Variants in C3orf33 observed in about 807,000 individuals in gnomAD.
C3orf33 encodes AP-1 activity suppressor.
A neutral mutation model predicts 28.7 loss-of-function variants in C3orf33; 23 were observed. The ratio of observed to expected loss-of-function variants is 0.80; its 90% CI spans 0.58 to 1.13. The LOEUF is 1.13. C3orf33 is among the 50% of genes most tolerant of loss of function. C3orf33 has a pLI of 0.00. For missense variants in C3orf33, 327 were observed against 353.4 expected (o/e 0.93, Z 0.60); for synonymous variants, 119 against 120.5 (o/e 0.99, Z 0.08).
chr3:155,775,913 T>C, intron 2 of C3orf33, 65 bp from the exon 3 acceptor site: 1 of 1,206,026 alleles, frequency 8.3e-7, no homozygotes, highest in Non-Finnish European at 1.2e-6. Context: ...ATTTAAAATG[T>C]CAAATTATCA....
intron 1 of C3orf33, among the ~76,000 whole-genome samples, chr3:155,803,835 TTGTGCCACTG>T (rs1751726945): frequency 6.6e-6 from 1 of 151,892 alleles, no homozygotes; most frequent in African/African-American, 2.4e-5. Context: ...TGAGCCGAGA[TTGTGCCACTG>T]CACTCCAGCC....
intron 3 of C3orf33, among the ~76,000 whole-genome samples, chr3:155,768,526 T>C (rs1422561635): frequency 6.6e-6 from 1 of 152,186 alleles, no homozygotes; most frequent in South Asian, 2.1e-4. Context: ...TTTTAACCAA[T>C]GTAATTTTAA....
rs368808893 is a variant in C3orf33 at position 155,786,430 on chromosome 3, T to C, written c.175-10582A>G. On this transcript the variant is annotated intron_variant, in intron 2 of 4. Coordinates refer to ENST00000340171, the MANE Select transcript of C3orf33 (RefSeq NM_001308229.2). Reference sequence around the variant, plus strand: ...TAAGTCAGAAATAAAAGTGGGGACATTACTACAAATTCTACAGAAATGAAA... The same window carrying C: ...TAAGTCAGAAATAAAAGTGGGGACACTACTACAAATTCTACAGAAATGAAA... Among the ~76,000 whole-genome samples, 4 of 152,232 alleles carry C rather than the reference T, an allele frequency of 2.6e-5. No individual in the cohort carries two copies. In the East Asian group the frequency reaches 7.7e-4, roughly 29 times the overall value.
chr3:155,799,450 A>T (rs1751576938), intron 2 of C3orf33, among the ~76,000 whole-genome samples: 1 of 152,150 alleles, frequency 6.6e-6, no homozygotes, highest in Admixed American at 6.5e-5. Flanking sequence ...GCACTTTGGG[A>T]GGCCAAGGCA....
At chr3:155,777,490 C>T (rs1750788882) in intron 2 of C3orf33, among the ~76,000 whole-genome samples, 2 of 151,774 alleles carry the variant, frequency 1.3e-5, no homozygotes, top group South Asian at 4.2e-4. Flanking sequence ...GCCCAGGCTG[C>T]AGCTCAGTGG....
At chr3:155,777,444 G>C (rs1477067447) in intron 2 of C3orf33, among the ~76,000 whole-genome samples, 1 of 151,856 alleles carries the variant, frequency 6.6e-6, no homozygotes, top group African/African-American at 2.4e-5. Flanking sequence ...TAACATTACA[G>C]ATCTTTTTTT....
intron 2 of C3orf33, among the ~76,000 whole-genome samples, chr3:155,793,261 T>C (rs1284872697): frequency 6.9e-6 from 1 of 144,164 alleles, no homozygotes; most frequent in Non-Finnish European, 1.5e-5. Flanking sequence ...CAAAATAGTA[T>C]AGCCAGTCAA....
intron 2 of C3orf33, among the ~76,000 whole-genome samples, chr3:155,793,829 T>TAA (rs1751391618): frequency 5.9e-5 from 5 of 84,672 alleles, no homozygotes; most frequent in South Asian, 3.7e-4. Context: ...AAAAAAAAAC[T>TAA]AAAAAAACTA....
At chr3:155,784,270 G>A (rs552707883) in intron 2 of C3orf33, among the ~76,000 whole-genome samples, 6 of 152,150 alleles carry the variant, frequency 3.9e-5, no homozygotes, top group Admixed American at 1.3e-4. Flanking sequence ...ACAAAAATGC[G>A]ATTCTGTGAT....
chr3:155,795,522 A>G (rs1751449838), intron 2 of C3orf33, among the ~76,000 whole-genome samples: 1 of 152,206 alleles, frequency 6.6e-6, no homozygotes, highest in Non-Finnish European at 1.5e-5. Context: ...TTCTCTGACT[A>G]CAATGGAATA....
chr3:155,802,952 T>C (rs1450011739), intron 1 of C3orf33, among the ~76,000 whole-genome samples: 1 of 152,096 alleles, frequency 6.6e-6, no homozygotes, highest in Non-Finnish European at 1.5e-5. Context: ...TCTCTACTGA[T>C]CGTATTATTT....
chr3:155,764,245 G>T (rs1750326741), intron 4 of C3orf33, among the ~76,000 whole-genome samples: 1 of 151,994 alleles, frequency 6.6e-6, no homozygotes, highest in Non-Finnish European at 1.5e-5. Context: ...AGGGGAAGTG[G>T]GACACCCAAG....
intron 3 of C3orf33, among the ~76,000 whole-genome samples, chr3:155,770,016 G>A (rs190293842): frequency 3.7e-4 from 57 of 152,128 alleles, no homozygotes; most frequent in Admixed American, 7.9e-4. Flanking sequence ...ACCAATCAGC[G>A]TGCACTCACC....
chr3:155,773,314 G>A (rs2109256008), intron 3 of C3orf33, among the ~76,000 whole-genome samples: 1 of 152,266 alleles, frequency 6.6e-6, no homozygotes, highest in Non-Finnish European at 1.5e-5. Context: ...GTTTATGTTA[G>A]TCATAAAACA....
At chr3:155,799,376 C>T (rs1751574950) in intron 2 of C3orf33, among the ~76,000 whole-genome samples, 1 of 152,122 alleles carries the variant, frequency 6.6e-6, no homozygotes, top group South Asian at 2.1e-4. Flanking sequence ...CCTAAGTGTC[C>T]ATCAACAGAC....
chr3:155,796,843 T>G (rs1751487703), intron 2 of C3orf33, among the ~76,000 whole-genome samples: 1 of 152,198 alleles, frequency 6.6e-6, no homozygotes, highest in Admixed American at 6.5e-5. Flanking sequence ...ATCCCAGGGA[T>G]GCAAGGATGG....
At chr3:155,775,093 G>C (rs1750700806) in intron 3 of C3orf33, among the ~76,000 whole-genome samples, 1 of 152,120 alleles carries the variant, frequency 6.6e-6, no homozygotes, top group Non-Finnish European at 1.5e-5. Flanking sequence ...AGGGTTAAAA[G>C]AGCTTTGTTT....
At position 155,763,650 on chromosome 3, in the gene C3orf33, C is replaced by T; in HGVS notation, c.752G>A (p.Ser251Asn). Residue 251 changes from serine (S) to asparagine (N), a missense_variant, in exon 5 of 5, where the codon AGC (serine) becomes AAC (asparagine). Coordinates refer to ENST00000340171, the MANE Select transcript of C3orf33 (RefSeq NM_001308229.2). Reference sequence around the variant, plus strand: ...TTCATAATAACTTTCTTTTTTCAAGCTGAAATCTGATCCTGTTGTTTTTAA... The same window carrying T: ...TTCATAATAACTTTCTTTTTTCAAGTTGAAATCTGATCCTGTTGTTTTTAA... Reference protein sequence around the residue: ...SFLKTTGSDFSLKKESYYEKL... With the variant: ...SFLKTTGSDFNLKKESYYEKL... 1.3e-6 allele frequency: 2 copies of T among 1,595,608 alleles called. No individual in the cohort carries two copies. The highest frequency in any genetic ancestry group is 2.7e-5 in the African/African-American group (2 of 73,736).
intron 2 of C3orf33, among the ~76,000 whole-genome samples, chr3:155,786,692 A>G (rs187017370): frequency 6.6e-6 from 1 of 152,216 alleles, no homozygotes; most frequent in Non-Finnish European, 1.5e-5. Flanking sequence ...TTAGCTGAGC[A>G]TGGTGGCAGG....
Sources: gnomAD v4.1 joint callset for allele counts (sites outside exome capture counted in the v4.1 genomes callset) on GRCh38, gnomAD v4.1.1 for gene constraint, MANE v1.5 for transcripts, NCBI Gene and HGNC (gene_info 2026-07-23, HGNC 2026-07-21) for gene names.